The following GABRG3 variants were observed in gnomAD, a reference collection of about 807,000 sequenced individuals.
The protein encoded by GABRG3 is gamma-aminobutyric acid receptor subunit gamma-3.
In GABRG3, 25 loss-of-function variants were observed where a neutral mutation model predicts 48.8. The observed-to-expected ratio is 0.51, with a 90% CI of 0.37 to 0.72. The LOEUF is 0.72. Among genes scored for constraint, GABRG3 ranks in the 30% least tolerant of loss-of-function variants. The pLI, the probability that GABRG3 is intolerant of heterozygous loss-of-function variation, is 0.00. For missense variants in GABRG3, 394 were observed against 577.9 expected (o/e 0.68, Z 3.26); for synonymous variants, 227 against 217.6 (o/e 1.04, Z -0.38).
intron 3 of GABRG3, among the ~76,000 whole-genome samples, chr15:27,222,424 G>A (rs948225204): frequency 1.3e-5 from 2 of 152,158 alleles, no homozygotes; most frequent in Non-Finnish European, 2.9e-5. Context: ...GATTCCTCTT[G>A]GACCTTGGAC....
At chr15:27,441,803 A>C (rs1888794332) in intron 5 of GABRG3, among the ~76,000 whole-genome samples, 1 of 152,070 alleles carries the variant, frequency 6.6e-6, no homozygotes, top group South Asian at 2.1e-4. Flanking sequence ...TGTTCCCATG[A>C]CACTCACAGA....
At chr15:26,986,861 A>C (rs1456395443) in intron 2 of GABRG3, among the ~76,000 whole-genome samples, 1 of 152,148 alleles carries the variant, frequency 6.6e-6, no homozygotes, top group Non-Finnish European at 1.5e-5. Flanking sequence ...TGAGTGAGAA[A>C]AGATCTGGAC....
chr15:27,242,869 T>C (rs1890167152), intron 3 of GABRG3, among the ~76,000 whole-genome samples: 1 of 152,250 alleles, frequency 6.6e-6, no homozygotes, highest in Non-Finnish European at 1.5e-5. Flanking sequence ...CTCAGAGAGA[T>C]TGGCACATAA....
At chr15:27,328,923 G>A in intron 5 of GABRG3, 35 bp downstream of exon 5, 2 of 1,532,306 alleles carry the variant, frequency 1.3e-6, no homozygotes, top group Non-Finnish European at 1.8e-6. Flanking sequence ...TGTGCATGCT[G>A]TGTGAGGGAT....
intron 5 of GABRG3, among the ~76,000 whole-genome samples, chr15:27,342,392 C>G (rs943785285): frequency 6.6e-6 from 1 of 152,176 alleles, no homozygotes; most frequent in South Asian, 2.1e-4. Context: ...CTCCACTACC[C>G]CAGCCTGTGT....
intron 3 of GABRG3, among the ~76,000 whole-genome samples, chr15:27,288,717 GA>G (rs35366869): frequency 0.1 from 8,879 of 84,854 alleles, 718 homozygotes; most frequent in African/African-American, 0.23. Flanking sequence ...CCGTCTCACA[GA>G]AAAAAAAAAA....
Position 27,423,539 on chromosome 15 carries a change from TG to T in GABRG3, c.575-57109del, listed in dbSNP as rs1461702021. 2.6e-3 allele frequency among the ~76,000 whole-genome samples: 391 copies of T among 150,670 alleles called. 1 individual carries two copies. The highest frequency in any genetic ancestry group is 9.1e-3 in the African/African-American group (375 of 41,118). Reference sequence around the variant, plus strand: ...TTTACTTCTCCATTTTCTTGTTTTTTGGTTTTTTTTTTTTTTGAGACGAGGT... The same window carrying T: ...TTTACTTCTCCATTTTCTTGTTTTTTGTTTTTTTTTTTTTTGAGACGAGGT... On this transcript the variant is annotated intron_variant, in intron 5 of 9. Transcript: ENST00000615808.
chr15:27,114,560 C>T (rs770516827), intron 3 of GABRG3, among the ~76,000 whole-genome samples: 2 of 152,154 alleles, frequency 1.3e-5, no homozygotes, highest in South Asian at 2.1e-4. Flanking sequence ...TTCTGAAGTG[C>T]GCTTTGCTGT....
In GABRG3 at chr15:27,533,698, C is replaced by T. The variant is rs1165221152; in HGVS notation, c.*817C>T. On this transcript the variant is annotated 3_prime_UTR_variant, in exon 10 of 10. Coordinates refer to ENST00000615808, the MANE Select transcript of GABRG3 (RefSeq NM_033223.5). ...TTTCACTAGACCAACGCTCAACCCT[C>T]GAGTATGTGTCCAGCTTATGTTATA... The T allele has an allele frequency of 6.6e-6, 1 of 152,150 alleles. No homozygotes were observed. The highest frequency in any genetic ancestry group is 1.9e-4 in the East Asian group (1 of 5,178). The allele number at this position is 152,150 out of a possible 1,614,324, so 9.4% of individuals were successfully genotyped here.
chr15:27,295,036 C>T (rs1056887232), intron 3 of GABRG3: 2 of 152,026 alleles, frequency 1.3e-5, no homozygotes, highest in African/African-American at 4.8e-5. Flanking sequence ...GGTCAGATTC[C>T]GGGGCATCAG....
At chr15:27,132,097 C>G (rs941104686) in intron 3 of GABRG3, among the ~76,000 whole-genome samples, 1 of 151,952 alleles carries the variant, frequency 6.6e-6, no homozygotes, top group African/African-American at 2.4e-5. Context: ...CTTAACTCTG[C>G]TAATTGTTTC....
At chr15:27,109,511 G>T (rs920767235) in intron 3 of GABRG3, among the ~76,000 whole-genome samples, 5 of 152,034 alleles carry the variant, frequency 3.3e-5, no homozygotes, top group Admixed American at 3.3e-4. Flanking sequence ...CAAATCCCTG[G>T]CAACCAATGA....
intron 3 of GABRG3, among the ~76,000 whole-genome samples, chr15:27,232,461 G>A (rs28611773): frequency 0.073 from 11,129 of 152,124 alleles, 449 homozygotes; most frequent in African/African-American, 0.11. Flanking sequence ...CAGAACCCAT[G>A]TCTCCATGAA....
chr15:27,196,965 G>A (rs1417478947), intron 3 of GABRG3, among the ~76,000 whole-genome samples: 1 of 152,184 alleles, frequency 6.6e-6, no homozygotes, highest in Non-Finnish European at 1.5e-5. Flanking sequence ...CCAGTGAGGT[G>A]AAACAAATAG....
At position 27,191,369 on chromosome 15, in the gene GABRG3, G is replaced by C. The variant is rs1390748230; in HGVS notation, c.271-135440G>C. ...ACTGCGTGGGAGTCTAAGTCTCTTT[G>C]TAGGTCACTCAGGACTTGCTTTATG... On this transcript the variant is annotated intron_variant, in intron 3 of 9. Transcript: ENST00000615808. Among the ~76,000 whole-genome samples the C allele has an allele frequency of 2.6e-5, 4 of 152,116 alleles. No individual in the cohort carries two copies. In the East Asian group the frequency reaches 7.7e-4, roughly 29 times the overall value.
At chr15:27,211,906 C>T (rs1393175014) in intron 3 of GABRG3, among the ~76,000 whole-genome samples, 1 of 152,188 alleles carries the variant, frequency 6.6e-6, no homozygotes, top group African/African-American at 2.4e-5. Context: ...TTACCATGCC[C>T]ATCCCCTGAG....
chr15:27,308,722 A>G (rs990834695), intron 3 of GABRG3, among the ~76,000 whole-genome samples: 1 of 149,400 alleles, frequency 6.7e-6, no homozygotes, highest in Non-Finnish European at 1.5e-5. Flanking sequence ...ATATGTAAAC[A>G]TAATGTAAAC....
intron 3 of GABRG3, among the ~76,000 whole-genome samples, chr15:27,125,056 T>A (rs1433332998): frequency 1.3e-5 from 2 of 152,332 alleles, no homozygotes; most frequent in East Asian, 3.9e-4. Context: ...CAGCAGCCAG[T>A]TGCATTTCCA....
At chr15:27,345,474 C>T (rs1031013256) in intron 5 of GABRG3, among the ~76,000 whole-genome samples, 1 of 145,796 alleles carries the variant, frequency 6.9e-6, no homozygotes, top group Non-Finnish European at 1.5e-5. Context: ...ATAGAGAATT[C>T]CTAATTATTT....
Sources: gnomAD v4.1 joint callset for allele counts (sites outside exome capture counted in the v4.1 genomes callset) on GRCh38, gnomAD v4.1.1 for gene constraint, MANE v1.5 for transcripts, NCBI Gene and HGNC (gene_info 2026-07-23, HGNC 2026-07-21) for gene names.